The following CNTNAP2 variants were observed in gnomAD, a reference collection of about 807,000 sequenced individuals.
CNTNAP2 encodes contactin-associated protein-like 2.
In CNTNAP2, 98 loss-of-function variants were observed where a neutral mutation model predicts 155.2. The observed-to-expected ratio is 0.63, with a 90% confidence interval of 0.54 to 0.75. The LOEUF is 0.75. Among genes scored for constraint, CNTNAP2 ranks in the 30% least tolerant of loss-of-function variants. The probability of loss-of-function intolerance (pLI) is 0.00; values close to 1 mark genes in which losing one functional copy is unlikely to be tolerated. For missense variants in CNTNAP2, 1,727 were observed against 1,688.1 expected (o/e 1.02, Z -0.40); for synonymous variants, 651 against 631.2 (o/e 1.03, Z -0.47).
At chr7:148,204,626 T>C (rs752288947) in intron 18 of CNTNAP2, among the ~76,000 whole-genome samples, 1 of 152,240 alleles carries the variant, frequency 6.6e-6, no homozygotes, top group Non-Finnish European at 1.5e-5. Flanking sequence ...AAAAATAAAA[T>C]TTTATTAATT....
At chr7:146,403,834 G>A (rs1234083131) in intron 1 of CNTNAP2, among the ~76,000 whole-genome samples, 2 of 152,070 alleles carry the variant, frequency 1.3e-5, no homozygotes, top group African/African-American at 2.4e-5. Flanking sequence ...TTCCAGTTTC[G>A]GTGTACTGAG....
intron 16 of CNTNAP2, among the ~76,000 whole-genome samples, chr7:148,142,769 A>G (rs1043809329): frequency 6.6e-6 from 1 of 152,206 alleles, no homozygotes; most frequent in African/African-American, 2.4e-5. Context: ...GGTATTGGTC[A>G]GTTGTTAAAT....
intron 8 of CNTNAP2, among the ~76,000 whole-genome samples, chr7:147,164,408 G>A (rs1395484911): frequency 6.6e-6 from 1 of 152,092 alleles, no homozygotes. Flanking sequence ...GAAAGCACAT[G>A]GTTCCCATTC....
At chr7:147,125,234 C>T (rs1370825276) in intron 6 of CNTNAP2, among the ~76,000 whole-genome samples, 1 of 152,032 alleles carries the variant, frequency 6.6e-6, no homozygotes, top group East Asian at 1.9e-4. Context: ...CCAGGATGGT[C>T]TCGATCTCTT....
At chr7:146,905,562 T>C (rs1017948288) in intron 3 of CNTNAP2, among the ~76,000 whole-genome samples, 13 of 152,248 alleles carry the variant, frequency 8.5e-5, no homozygotes, top group African/African-American at 3.1e-4. Flanking sequence ...TAGAAAATAT[T>C]TTGATCTTCC....
intron 23 of CNTNAP2, among the ~76,000 whole-genome samples, 175 bp downstream of exon 23, chr7:148,409,646 G>A (rs1295711830): frequency 1.3e-5 from 2 of 151,916 alleles, no homozygotes; most frequent in African/African-American, 4.8e-5. Context: ...GCCGGGCACA[G>A]TGGCTCACCT....
intron 1 of CNTNAP2, among the ~76,000 whole-genome samples, chr7:146,463,462 T>C (rs1382037528): frequency 6.6e-6 from 1 of 152,110 alleles, no homozygotes; most frequent in Non-Finnish European, 1.5e-5. Context: ...TAAATTATCT[T>C]GCCAACCTGT....
At chr7:148,235,801 T>A (rs1796033298) in intron 20 of CNTNAP2, among the ~76,000 whole-genome samples, 1 of 151,678 alleles carries the variant, frequency 6.6e-6, no homozygotes. Flanking sequence ...ATCTCCTGTG[T>A]CAGTCTCCCA....
chr7:146,530,542 A>C (rs905017102), intron 1 of CNTNAP2, among the ~76,000 whole-genome samples: 2 of 152,218 alleles, frequency 1.3e-5, no homozygotes, highest in African/African-American at 4.8e-5. Context: ...GGCAAAAAAC[A>C]ACCTCATTAA....
chr7:148,112,634 A>G (rs1245449657), intron 15 of CNTNAP2, among the ~76,000 whole-genome samples: 1 of 151,978 alleles, frequency 6.6e-6, no homozygotes, highest in Non-Finnish European at 1.5e-5. Context: ...GCCTCAAGCA[A>G]TCCTCCCACT....
rs1387869089 is a variant in CNTNAP2, at chr7:147,411,433, C to G, written c.1670+15653C>G. ...AGAAAGTGCTTTCAGCTGTTAGGAA[C>G]AGAGACCCAATCAGTTTTCCAGGCA... On this transcript the variant is annotated intron_variant, in intron 10 of 23. Transcript: ENST00000361727. Among the ~76,000 whole-genome samples the G allele has an allele frequency of 2.6e-5, 4 of 152,166 alleles. No individual in the cohort carries two copies. The East Asian group carries it at 7.7e-4, about 29-fold the overall frequency.
chr7:147,984,974 G>A (rs1000002487), intron 15 of CNTNAP2, among the ~76,000 whole-genome samples: 8 of 152,022 alleles, frequency 5.3e-5, no homozygotes, highest in Non-Finnish European at 7.4e-5. Flanking sequence ...AATCAGCTGC[G>A]CATGTTGGTG....
intron 1 of CNTNAP2, among the ~76,000 whole-genome samples, chr7:146,598,396 A>G (rs1374313035): frequency 2.0e-5 from 3 of 152,010 alleles, no homozygotes; most frequent in Non-Finnish European, 2.9e-5. Flanking sequence ...CTTTTGGTAG[A>G]TCTCCTGGAG....
At chr7:146,406,444 T>C (rs182301079) in intron 1 of CNTNAP2, among the ~76,000 whole-genome samples, 5 of 152,360 alleles carry the variant, frequency 3.3e-5, no homozygotes, top group African/African-American at 9.6e-5. Context: ...GCAATATATT[T>C]CTTTCTAGGA....
chr7:146,400,583 C>T (rs1195916884), intron 1 of CNTNAP2, among the ~76,000 whole-genome samples: 3 of 152,186 alleles, frequency 2.0e-5, no homozygotes, highest in African/African-American at 7.2e-5. Flanking sequence ...TGCAGAACTG[C>T]TGAGAATAGT....
intron 13 of CNTNAP2, among the ~76,000 whole-genome samples, chr7:147,661,775 A>G (rs567014196): frequency 4.7e-5 from 7 of 150,110 alleles, no homozygotes; most frequent in Admixed American, 4.6e-4. Flanking sequence ...CTGTTCTTGA[A>G]CTCCTGACCT....
chr7:147,588,714 CA>C (rs1800681029), intron 12 of CNTNAP2, among the ~76,000 whole-genome samples: 1 of 152,178 alleles, frequency 6.6e-6, no homozygotes, highest in South Asian at 2.1e-4. Context: ...AAAAGAGAGG[CA>C]TCTAAGCCTC....
At chr7:146,409,963 G>A (rs547337033) in intron 1 of CNTNAP2, among the ~76,000 whole-genome samples, 6 of 152,254 alleles carry the variant, frequency 3.9e-5, no homozygotes, top group South Asian at 4.2e-4. Flanking sequence ...TCTGTGTGTC[G>A]CCTGTGCTCT....
intron 1 of CNTNAP2, among the ~76,000 whole-genome samples, chr7:146,707,812 T>C (rs993793623): frequency 1.3e-5 from 2 of 152,186 alleles, no homozygotes; most frequent in Admixed American, 1.3e-4. Flanking sequence ...AGAATGTGCA[T>C]CTGTAATCCT....
Sources: allele counts gnomAD v4.1 joint callset (sites outside exome capture counted in the v4.1 genomes callset), GRCh38; gene constraint gnomAD v4.1.1; transcripts MANE v1.5; gene names NCBI Gene and HGNC (gene_info 2026-07-23, HGNC 2026-07-21).